Variants in CHLSN observed in about 807,000 individuals in gnomAD.
The protein encoded by CHLSN is cholesin, also known as protein cholesin.
the CHLSN span, among the ~76,000 whole-genome samples, chr7:1,060,168 A>C: frequency 4.4e-4 from 67 of 152,204 alleles, no homozygotes; most frequent in African/African-American, 1.5e-3. Flanking sequence ...AAAAGCCCCC[A>C]TTCCTCCCCA....
the CHLSN span, among the ~76,000 whole-genome samples, chr7:1,046,163 ATGC>A: frequency 6.6e-6 from 1 of 152,204 alleles, no homozygotes; most frequent in African/African-American, 2.4e-5. Flanking sequence ...GAAGAGGGAC[ATGC>A]TGCTCACTGG....
the CHLSN span, chr7:987,249 A>G: frequency 6.6e-7 from 1 of 1,517,168 alleles, no homozygotes. Context: ...GTGCAGGGTG[A>G]GACCCCGGCG....
At chr7:1,120,520 G>C in the CHLSN span, among the ~76,000 whole-genome samples, 1 of 152,108 alleles carries the variant, frequency 6.6e-6, no homozygotes, top group African/African-American at 2.4e-5. Flanking sequence ...TCAAACTCCT[G>C]AACTCAAGTG....
chr7:1,088,595 T>C, the CHLSN span, among the ~76,000 whole-genome samples: 1 of 152,002 alleles, frequency 6.6e-6, no homozygotes, highest in Non-Finnish European at 1.5e-5. This position sits in a 1 kb window ranked among gnomAD's most constrained non-coding sequence, Gnocchi z 4.5. Context: ...TCACGTTCTG[T>C]CCCAGCAAGA....
At chr7:1,008,593 A>AC in the CHLSN span, among the ~76,000 whole-genome samples, 2 of 151,430 alleles carry the variant, frequency 1.3e-5, no homozygotes, top group African/African-American at 2.4e-5. Context: ...TCATTCTATG[A>AC]CCCCCAAGGC....
the CHLSN span, chr7:1,000,400 G>A: frequency 2.3e-6 from 3 of 1,277,020 alleles, no homozygotes; most frequent in Non-Finnish European, 3.2e-6. Context: ...AGCCCCCGGG[G>A]GGACGTGCCT....
chr7:1,038,719 CT>C, the CHLSN span, among the ~76,000 whole-genome samples: 1 of 121,268 alleles, frequency 8.2e-6, no homozygotes. Flanking sequence ...GGGGTCAGCC[CT>C]CCGCCCGGCC....
chr7:1,070,663 G>A, the CHLSN span, among the ~76,000 whole-genome samples: 222 of 129,292 alleles, frequency 1.7e-3, 1 homozygote, highest in African/African-American at 6.3e-3. Flanking sequence ...ACACATGCAC[G>A]CACATACGCA....
At chr7:1,052,194 G>A in the CHLSN span, among the ~76,000 whole-genome samples, 1 of 152,258 alleles carries the variant, frequency 6.6e-6, no homozygotes, top group East Asian at 1.9e-4. The surrounding 1 kb of genome is among the most constrained non-coding windows in gnomAD (Gnocchi z 4.2). Context: ...GAGACCCTGA[G>A]GCCTGCTCCA....
At chr7:1,000,599 C>T in the CHLSN span, 21 of 1,482,144 alleles carry the variant, frequency 1.4e-5, no homozygotes, top group East Asian at 7.1e-5. Context: ...AAAAGACTCC[C>T]GGGCAGCTGT....
chr7:1,091,930 T>C, the CHLSN span: 1 of 1,614,028 alleles, frequency 6.2e-7, no homozygotes, highest in Non-Finnish European at 8.5e-7. Context: ...CTACACCATC[T>C]TCCTCTTCCC....
At chr7:1,053,950 G>C in the CHLSN span, among the ~76,000 whole-genome samples, 1 of 152,254 alleles carries the variant, frequency 6.6e-6, no homozygotes, top group African/African-American at 2.4e-5. Context: ...CAGGGACCCT[G>C]TTCCTACCAC....
the CHLSN span, among the ~76,000 whole-genome samples, chr7:979,479 T>G: frequency 6.6e-6 from 1 of 152,096 alleles, no homozygotes; most frequent in Admixed American, 6.6e-5. Context: ...TGGCCGGGTG[T>G]GGTGGCTCAC....
At chr7:1,002,204 T>TGGGTGAGTGGAGTCCTGC in the CHLSN span, among the ~76,000 whole-genome samples, 1 of 74,104 alleles carries the variant, frequency 1.3e-5, no homozygotes, top group African/African-American at 7.1e-5. Flanking sequence ...GGGAGTCCTG[T>TGGGTGAGTGGAGTCCTGC]GGGTGAGTGG....
At chr7:997,978 A>G in the CHLSN span, among the ~76,000 whole-genome samples, 1 of 152,248 alleles carries the variant, frequency 6.6e-6, no homozygotes, top group East Asian at 1.9e-4. Flanking sequence ...CTGGAAGAAG[A>G]AATGCCTGTT....
the CHLSN span, among the ~76,000 whole-genome samples, chr7:1,130,445 CT>C: frequency 1.3e-5 from 2 of 152,098 alleles, no homozygotes; most frequent in African/African-American, 4.8e-5. Flanking sequence ...CGGCCCACGC[CT>C]GCTGCTGCAG....
chr7:997,633 G>A, the CHLSN span: 1 of 1,604,944 alleles, frequency 6.2e-7, no homozygotes, highest in Admixed American at 1.7e-5. Context: ...CACTAGGAGA[G>A]CAGCTGCAGC....
At chr7:1,131,191 TAAAAAAAA>T in the CHLSN span, among the ~76,000 whole-genome samples, 7 of 117,208 alleles carry the variant, frequency 6.0e-5, no homozygotes, top group Non-Finnish European at 8.5e-5. Flanking sequence ...ACCTTGTGTT[TAAAAAAAA>T]AAAAAAAAAA....
the CHLSN span, among the ~76,000 whole-genome samples, chr7:1,005,866 C>G: frequency 6.6e-6 from 1 of 152,210 alleles, no homozygotes; most frequent in Non-Finnish European, 1.5e-5. Context: ...GGCACCACCT[C>G]CCGCCTCGAG....
Sources: allele counts gnomAD v4.1 joint callset (sites outside exome capture counted in the v4.1 genomes callset), GRCh38; gene constraint gnomAD v4.1.1; non-coding constraint Gnocchi (gnomAD v3.1); transcripts MANE v1.5; gene names NCBI Gene and HGNC (gene_info 2026-07-23, HGNC 2026-07-21).